PLEC: variants seen among roughly 807,000 people sequenced by gnomAD.
PLEC encodes the protein hemidesmosomal protein 1.
Under a neutral mutation model 392.8 loss-of-function variants are expected in PLEC, and 216 were observed. The observed-to-expected ratio is 0.55, with a 90% CI of 0.49 to 0.62. PLEC has a LOEUF of 0.62. Ranked by LOEUF, PLEC falls within the 20% of genes least tolerant of loss-of-function variation. The probability of loss-of-function intolerance (pLI) is 0.00; values close to 1 mark genes in which losing one functional copy is unlikely to be tolerated. For missense variants in PLEC, 6,863 were observed against 6,563.4 expected, an observed-to-expected ratio of 1.05 and a Z score of -1.58; for synonymous variants, 3,621 against 2,980.6, an observed-to-expected ratio of 1.21 and a Z score of -7.00.
rs1825410331 is a variant in PLEC, at chr8:143,926,949, C to T, written c.3945+28G>A. ...TCCAGCCAGAGGCCTGCCAGCCCCT[C>T]ACCCAGTTAGGTTCGGCCCCACCCT... On this transcript the variant is annotated intron_variant, in intron 29 of 31. Coordinates refer to ENST00000345136, the MANE Select transcript of PLEC (RefSeq NM_201384.3). 1.9e-6 allele frequency: 3 copies of T among 1,607,362 alleles called. No individual in the cohort carries two copies. In the East Asian group the frequency reaches 6.7e-5, roughly 36 times the overall value.
In PLEC at chr8:143,925,018, CT is replaced by C; in HGVS notation, c.4910del (p.Lys1637ArgfsTer79). The stretch of plus-strand genomic sequence containing the variant: ...GCCGCAGCCGTAGCGCCTCGTTGGC[CT>C]TGAGCTGCCAGCGCTCCAGCTCCCG... The part of the protein sequence containing the change: ...AERELERWQL[K>X]ANEALRLRLQ... On this transcript the variant is annotated frameshift_variant, in exon 31 of 32. Coordinates refer to ENST00000345136, the MANE Select transcript of PLEC (RefSeq NM_201384.3). LOFTEE classifies it high-confidence loss of function. 6.4e-7 allele frequency: 1 copy of C among 1,570,186 alleles called. No individual in the cohort carries two copies. The highest frequency in any genetic ancestry group is 8.6e-7 in the Non-Finnish European group (1 of 1,165,990).
At chr8:143,930,722 C>T (rs1003539764) in intron 19 of PLEC, among the ~76,000 whole-genome samples, 186 bp from the exon 20 acceptor site, 6 of 152,212 alleles carry the variant, frequency 3.9e-5, no homozygotes, top group Middle Eastern at 3.4e-3. Context: ...CATGCACCCT[C>T]GCTCCTTCCC....
intron 1 of PLEC, chr8:143,945,308 G>A (rs1241837810): frequency 7.2e-6 from 3 of 417,576 alleles, no homozygotes; most frequent in African/African-American, 2.1e-5. Flanking sequence ...GGATGGAGAC[G>A]CCTCTCCTGG....
chr8:143,929,038 C>A, intron 25 of PLEC, 65 bp downstream of exon 25: 3 of 1,434,538 alleles, frequency 2.1e-6, no homozygotes, highest in Non-Finnish European at 2.9e-6. Flanking sequence ...CCTGCAAGGT[C>A]ACAGCCCTCA....
At chr8:143,958,142 G>A (rs975281422), upstream of PLEC, among the ~76,000 whole-genome samples, 1 of 144,838 alleles carries the variant, frequency 6.9e-6, no homozygotes, top group South Asian at 2.2e-4. This position sits in a 1 kb window ranked among gnomAD's most constrained non-coding sequence, Gnocchi z 4.9. Context: ...ACAACAGCCC[G>A]GCCTCTGCGG....
Position 143,924,608 on chromosome 8 carries a change from G to A in PLEC, c.5321C>T (p.Ala1774Val), listed in dbSNP as rs1009549725. Residue 1774 changes from alanine to valine, a missense_variant, in exon 31 of 32, where the codon GCT (alanine) becomes GTT (valine). Coordinates refer to ENST00000345136, the MANE Select transcript of PLEC (RefSeq NM_201384.3). ...MEVLLASKARAEEESRSTSEK... is the reference protein window; with the variant it reads ...MEVLLASKARVEEESRSTSEK... ...GCTGGTGGAGCGCGACTCCTCCTCA[G>A]CCCTCGCCTTGCTGGCCAGCAGCAC... 7 of 1,543,264 alleles carry A rather than the reference G, an allele frequency of 4.5e-6. No homozygotes were observed. Among genetic ancestry groups the A allele is most frequent in the Non-Finnish European group, 6.1e-6 (7 of 1,150,994 alleles).
At chr8:143,952,569 T>G (rs1832299809), upstream of PLEC, among the ~76,000 whole-genome samples, 1 of 150,188 alleles carries the variant, frequency 6.7e-6, no homozygotes, top group African/African-American at 2.5e-5. Flanking sequence ...CCCCCCACAC[T>G]GACCTCCTGC....
chr8:143,938,718 T>C (rs782738148), intron 1 of PLEC, 26 bp from the exon 2 acceptor site: 44 of 1,609,842 alleles, frequency 2.7e-5, no homozygotes, highest in Non-Finnish European at 2.5e-6. Context: ...CCAGCTTACC[T>C]GGGGCCTGGG....
intron 1 of PLEC, chr8:143,945,167 C>T (rs1354819363): frequency 6.5e-6 from 3 of 459,218 alleles, no homozygotes; most frequent in Admixed American, 5.3e-5. Context: ...CAACACAGCA[C>T]CTGGCCCCAC....
rs1554721734 is a variant in PLEC, at chr8:143,935,021, A to G, written c.815T>C (p.Val272Ala). ...MPRVPDVQDGVRANELQLRWQ... is the reference protein window; with the variant it reads ...MPRVPDVQDGARANELQLRWQ... ...GGGCCCCCCACTCACGTTGGCCCTC[A>G]CCCCATCCTGCACGTCCGGCACGCG... The change falls in exon 8 of 32, where the codon GTG becomes GCG. Residue 272 changes from valine (V) to alanine (A), a missense_variant. Coordinates refer to ENST00000345136, the MANE Select transcript of PLEC (RefSeq NM_201384.3). 7.4e-6 allele frequency: 12 copies of G among 1,612,348 alleles called. No homozygotes were observed. The highest frequency in any genetic ancestry group is 9.3e-6 in the Non-Finnish European group (11 of 1,179,772).
At chr8:143,950,554 G>A in exon 1 of PLEC, 2 of 1,608,450 alleles carry the variant, frequency 1.2e-6, no homozygotes, top group Non-Finnish European at 8.5e-7. Context: ...GGGACGCCAT[G>A]GCACGCATGA....
intron 1 of PLEC, among the ~76,000 whole-genome samples, chr8:143,968,442 C>T (rs1478754601): frequency 3.4e-5 from 5 of 148,792 alleles, no homozygotes; most frequent in Non-Finnish European, 5.9e-5. Context: ...TGGTGGCAGA[C>T]GCCTGTAGTC....
In PLEC at chr8:143,930,516, G is replaced by A. The variant is rs868907651; in HGVS notation, c.2325C>T (p.Asn775=). The A allele has an allele frequency of 5.5e-5, 87 of 1,595,590 alleles. No homozygotes were observed. Among genetic ancestry groups the A allele is most frequent in the Middle Eastern group, 3.3e-4 (2 of 6,056 alleles). The change falls in exon 20 of 32, where the codon AAC becomes AAT. Residue 775 remains asparagine, a synonymous_variant. Coordinates refer to ENST00000345136, the MANE Select transcript of PLEC (RefSeq NM_201384.3). ...GGCCTGAGAGGTGGCCCTTGTACTC[G>A]TTCAGCTGTTCCTTCTCGTCCTGTG... The part of the protein sequence containing the change: ...QDAQDEKEQL[N]EYKGHLSGLA...
At chr8:143,929,870 C>T (rs782353010) in intron 22 of PLEC, 41 bp from the exon 23 acceptor site, 23 of 1,600,818 alleles carry the variant, frequency 1.4e-5, no homozygotes, top group East Asian at 4.5e-5. Flanking sequence ...GCGAGGCGGC[C>T]GTGCCCTGCA....
intron 1 of PLEC, 115 bp from the exon 2 acceptor site, chr8:143,938,807 A>C (rs1829779009): frequency 1.1e-6 from 1 of 889,818 alleles, no homozygotes; most frequent in East Asian, 2.5e-5. Context: ...GGGAGCCCCA[A>C]AGCCTCCCTC....
intron 1 of PLEC, chr8:143,945,290 G>A (rs781942368): frequency 2.6e-5 from 12 of 453,204 alleles, no homozygotes; most frequent in African/African-American, 1.9e-4. Flanking sequence ...TGGGGTCCCA[G>A]GGATCTGGGA....
intron 25 of PLEC, 72 bp downstream of exon 25, chr8:143,929,031 G>T (rs890734763): frequency 7.2e-7 from 1 of 1,384,656 alleles, no homozygotes; most frequent in Non-Finnish European, 1.0e-6. Flanking sequence ...GCACCCTCCT[G>T]CAAGGTCACA....
At chr8:143,966,688 G>T (rs11781667) in intron 1 of PLEC, among the ~76,000 whole-genome samples, 44,972 of 151,052 alleles carry the variant, frequency 0.3, 7,175 homozygotes, top group Non-Finnish European at 0.36. Context: ...TAGTCCCCGC[G>T]TCAGGAAGCT....
chr8:143,953,033 C>A (rs1272343826), upstream of PLEC, among the ~76,000 whole-genome samples: 16 of 142,320 alleles, frequency 1.1e-4, no homozygotes, highest in Non-Finnish European at 2.3e-4. Context: ...CAGCACACAC[C>A]CCCCCCGAAG....
Sources: gnomAD v4.1 joint callset for allele counts (sites outside exome capture counted in the v4.1 genomes callset) on GRCh38, gnomAD v4.1.1 for gene constraint, Gnocchi (gnomAD v3.1) non-coding constraint, MANE v1.5 for transcripts, NCBI Gene and HGNC (gene_info 2026-07-23, HGNC 2026-07-21) for gene names.